Variants in ADGRL2 observed in about 807,000 individuals in gnomAD.
ADGRL2 encodes the protein adhesion G protein-coupled receptor L2.
Under a neutral mutation model 157.4 loss-of-function variants are expected in ADGRL2, and 44 were observed. The ratio of observed to expected loss-of-function variants is 0.28; its 90% CI spans 0.22 to 0.36. The LOEUF (loss-of-function observed/expected upper bound fraction) is 0.36, where lower values mean the gene tolerates loss of function less well. Ranked by LOEUF, ADGRL2 falls within the 10% of genes least tolerant of loss-of-function variation. ADGRL2 has a pLI of 1.00. For synonymous variants in ADGRL2, 585 were observed against 624.7 expected, an observed-to-expected ratio of 0.94 and a Z score of 0.95; for missense variants, 1,510 against 1,768.9, an observed-to-expected ratio of 0.85 and a Z score of 2.63.
In ADGRL2 at chr1:81,943,290, G is replaced by A; in HGVS notation, c.731G>A (p.Ser244Asn). 1.2e-6 allele frequency: 2 copies of A among 1,613,554 alleles called. No individual in the cohort carries two copies. Among genetic ancestry groups the A allele is most frequent in the Non-Finnish European group, 1.7e-6 (2 of 1,179,686 alleles). ...VKFDLRTRIKSGEAIINYANY... is the reference protein window; with the variant it reads ...VKFDLRTRIKNGEAIINYANY... ...TTTGACTTGAGGACTAGAATTAAGA[G>A]TGGCGAGGCCATAATTAACTATGCC... The change falls in exon 6 of 24, where the codon AGT (serine) becomes AAT (asparagine). Residue 244 changes from serine (S) to asparagine (N), a missense_variant. Ser to Asn is a conservative substitution (Grantham distance 46). Coordinates refer to ENST00000686636, the MANE Select transcript of ADGRL2 (RefSeq NM_001366006.2). This position sits in a 1 kb window ranked among gnomAD's most constrained non-coding sequence, Gnocchi z 5.6.
intron 2 of ADGRL2, among the ~76,000 whole-genome samples, chr1:81,577,413 A>G (rs1162050198): frequency 6.6e-6 from 1 of 152,108 alleles, no homozygotes; most frequent in Admixed American, 6.6e-5. Context: ...CTGTGTGTGC[A>G]TTGTCTCTCA....
At chr1:81,833,560 T>C (rs753826935) in intron 1 of ADGRL2, among the ~76,000 whole-genome samples, 11 of 152,238 alleles carry the variant, frequency 7.2e-5, no homozygotes, top group Non-Finnish European at 1.6e-4. Context: ...AAACATTTTA[T>C]TTTTTCTACA....
upstream of ADGRL2, among the ~76,000 whole-genome samples, chr1:81,795,792 GC>G (rs1221572932): frequency 6.6e-6 from 1 of 152,100 alleles, no homozygotes; most frequent in Non-Finnish European, 1.5e-5. Context: ...CCATCTCTTT[GC>G]TTTTGTTCTG....
intron 3 of ADGRL2, among the ~76,000 whole-genome samples, chr1:81,675,001 C>G (rs1295157504): frequency 1.3e-5 from 2 of 152,150 alleles, no homozygotes; most frequent in Non-Finnish European, 2.9e-5. Flanking sequence ...TTTTCCCTTT[C>G]ACAGATTTCA....
chr1:81,992,925 C>T lies in ADGRL2; in HGVS notation c.*1780C>T, dbSNP rs1321381690. ...TCATAAGCATTTATAGAAAATTATT[C>T]TAAAGCTTAATGGTTTGCTATAATT... On this transcript the variant is annotated 3_prime_UTR_variant, in exon 24 of 24. Transcript: ENST00000686636. 2.0e-5 allele frequency among the ~76,000 whole-genome samples: 3 copies of T among 150,526 alleles called. No homozygotes were observed. Among genetic ancestry groups the T allele is most frequent in the Admixed American group, 1.3e-4 (2 of 15,046 alleles).
At position 81,365,887 on chromosome 1, in the gene ADGRL2, G is replaced by A. The variant is rs891647799; in HGVS notation, c.-302+59378G>A. On this transcript the variant is annotated intron_variant, in intron 1 of 24. Coordinates refer to the ADGRL2 transcript ENST00000370721. The stretch of plus-strand genomic sequence containing the variant: ...GGCTTAATTTCTTCAATGAAAAATC[G>A]GGTAAAGTATCTGAAAGTGTTGTTT... Among the ~76,000 whole-genome samples the A allele has an allele frequency of 5.9e-5, 9 of 152,164 alleles. 1 individual carries two copies. The East Asian group carries it at 9.7e-4, about 16-fold the overall frequency.
At chr1:81,340,246 T>A (rs1661974291) in intron 1 of ADGRL2, among the ~76,000 whole-genome samples, 1 of 152,238 alleles carries the variant, frequency 6.6e-6, no homozygotes. Context: ...AAATATAGAT[T>A]TAATGTAAGG....
At chr1:81,659,052 A>ATTTTTT (rs55832240) in intron 3 of ADGRL2, among the ~76,000 whole-genome samples, 12 of 60,528 alleles carry the variant, frequency 2.0e-4, no homozygotes, top group African/African-American at 7.9e-4. Context: ...ACACCCAGCA[A>ATTTTTT]TTTTTTTTTT....
chr1:81,344,540 C>A (rs900998090), intron 1 of ADGRL2, among the ~76,000 whole-genome samples: 1 of 151,658 alleles, frequency 6.6e-6, no homozygotes, highest in African/African-American at 2.4e-5. Context: ...GCTGGGCATG[C>A]CTGTAATCTC....
At chr1:81,351,095 C>A (rs967422795) in intron 1 of ADGRL2, among the ~76,000 whole-genome samples, 1 of 152,110 alleles carries the variant, frequency 6.6e-6, no homozygotes, top group Non-Finnish European at 1.5e-5. Flanking sequence ...CCCCTTAAGC[C>A]TTTTAAGGGT....
intron 3 of ADGRL2, among the ~76,000 whole-genome samples, chr1:81,688,188 T>C (rs2083268006): frequency 6.6e-6 from 1 of 152,310 alleles, no homozygotes; most frequent in South Asian, 2.1e-4. Flanking sequence ...AGGTGTTCTT[T>C]ATGCTTCTTA....
upstream of ADGRL2, among the ~76,000 whole-genome samples, chr1:81,699,030 C>A (rs1193383657): frequency 6.6e-6 from 1 of 152,102 alleles, no homozygotes; most frequent in Non-Finnish European, 1.5e-5. Flanking sequence ...GTAAAAGGAT[C>A]ATAACTAACA....
chr1:81,806,223 T>C (rs1416663170), intron 1 of ADGRL2, among the ~76,000 whole-genome samples: 1 of 152,056 alleles, frequency 6.6e-6, no homozygotes, highest in African/African-American at 2.4e-5. Context: ...TCTGCTTTAT[T>C]AATGGACTAA....
At chr1:81,407,834 G>C (rs2076879649) in intron 1 of ADGRL2, among the ~76,000 whole-genome samples, 2 of 152,310 alleles carry the variant, frequency 1.3e-5, no homozygotes, top group South Asian at 4.1e-4. Flanking sequence ...CCAGAGGGTT[G>C]AAGGGGGGCT....
chr1:81,459,769 AGT>A (rs761536480), intron 2 of ADGRL2, among the ~76,000 whole-genome samples: 119 of 114,762 alleles, frequency 1.0e-3, no homozygotes, highest in African/African-American at 3.4e-3. Flanking sequence ...TATCCTGCTT[AGT>A]GTGTGTATGT....
At chr1:81,760,970 C>G (rs1485569578) in intron 1 of ADGRL2, among the ~76,000 whole-genome samples, 4 of 151,672 alleles carry the variant, frequency 2.6e-5, no homozygotes, top group Non-Finnish European at 5.9e-5. Context: ...AATTTGACTT[C>G]CATATTTAGT....
chr1:81,861,220 C>A (rs190715661), intron 2 of ADGRL2, among the ~76,000 whole-genome samples: 21 of 152,122 alleles, frequency 1.4e-4, no homozygotes, highest in African/African-American at 5.1e-4. Context: ...GGGGTTTCAC[C>A]ACATTGGCCA....
chr1:81,874,333 A>T (rs994833311), intron 2 of ADGRL2, among the ~76,000 whole-genome samples: 5 of 152,192 alleles, frequency 3.3e-5, no homozygotes, highest in African/African-American at 7.2e-5. Context: ...TAAACATTTT[A>T]CCAATAAGTT....
At chr1:81,717,555 G>C (rs1288622366) in intron 1 of ADGRL2, among the ~76,000 whole-genome samples, 1 of 152,180 alleles carries the variant, frequency 6.6e-6, no homozygotes. Context: ...ATACATCCCT[G>C]AAAACTTCAA....
Sources: gnomAD v4.1 joint callset for allele counts (sites outside exome capture counted in the v4.1 genomes callset) on GRCh38, gnomAD v4.1.1 for gene constraint, Gnocchi (gnomAD v3.1) non-coding constraint, MANE v1.5 for transcripts, NCBI Gene and HGNC (gene_info 2026-07-23, HGNC 2026-07-21) for gene names.